TSHR: variants seen among roughly 807,000 people sequenced by gnomAD.
TSHR encodes thyrotropin receptor.
In TSHR, 51 loss-of-function variants were observed where a neutral mutation model predicts 64.1. The ratio of observed to expected loss-of-function variants is 0.80; its 90% CI spans 0.64 to 1.01. The LOEUF (loss-of-function observed/expected upper bound fraction) is 1.01. TSHR is among the 50% of genes least tolerant of loss of function. The pLI is 0.00. For missense variants in TSHR, 877 were observed against 942.8 expected (o/e 0.93, Z 0.91); for synonymous variants, 361 against 361.9 (o/e 1.00, Z 0.03).
chr14:81,063,699 G>A (rs577805030), intron 2 of TSHR, among the ~76,000 whole-genome samples: 1 of 152,272 alleles, frequency 6.6e-6, no homozygotes, highest in South Asian at 2.1e-4. Flanking sequence ...TTTGCTAGGT[G>A]TTCCGTACAC....
At chr14:81,024,239 T>A (rs907471489) in intron 1 of TSHR, among the ~76,000 whole-genome samples, 3 of 119,672 alleles carry the variant, frequency 2.5e-5, no homozygotes, top group Admixed American at 1.9e-4. Context: ...TTAGGCATGG[T>A]TTTTTTTTGT....
At chr14:81,047,725 G>A (rs1025334420) in intron 1 of TSHR, among the ~76,000 whole-genome samples, 3 of 146,052 alleles carry the variant, frequency 2.1e-5, no homozygotes, top group African/African-American at 5.1e-5. Context: ...GCAGTGGCAC[G>A]ATCTCAGCTC....
In TSHR at chr14:81,029,772, A is replaced by T. The variant is rs182231786; in HGVS notation, c.171-32376A>T. Among the ~76,000 whole-genome samples, 486 of 152,246 alleles carry T rather than the reference A, an allele frequency of 3.2e-3. 9 individuals are homozygous for T. Among genetic ancestry groups the T allele is most frequent in the Admixed American group, 0.03 (464 of 15,288 alleles). On this transcript the variant is annotated intron_variant, in intron 1 of 9. Transcript: ENST00000298171. ...GTGAAATAATAACTTGGCCTTTCTTAAAAAAATATACCCATGGATTCTGTA... is the reference window on the plus strand; with the variant it reads ...GTGAAATAATAACTTGGCCTTTCTTTAAAAAATATACCCATGGATTCTGTA...
intron 1 of TSHR, among the ~76,000 whole-genome samples, chr14:81,002,775 A>T: frequency 1.3e-5 from 1 of 77,842 alleles, no homozygotes; most frequent in Non-Finnish European, 2.4e-5. Context: ...AAGGTCCCTA[A>T]TGCCTCTTTT....
chr14:81,076,540 C>G (rs1357921825), intron 3 of TSHR, among the ~76,000 whole-genome samples: 1 of 152,130 alleles, frequency 6.6e-6, no homozygotes, highest in Non-Finnish European at 1.5e-5. Context: ...CTGAAATCTA[C>G]TACTCCTGTG....
intron 1 of TSHR, chr14:81,012,177 G>A (rs909482146): frequency 2.0e-5 from 3 of 151,142 alleles, no homozygotes; most frequent in African/African-American, 7.3e-5. Flanking sequence ...ACCTATGAGT[G>A]AGAATATGCG....
intron 1 of TSHR, among the ~76,000 whole-genome samples, chr14:80,978,106 C>A (rs949112086): frequency 5.3e-5 from 8 of 151,432 alleles, no homozygotes; most frequent in African/African-American, 1.9e-4. Flanking sequence ...CACACACACA[C>A]ACACACACAC....
At chr14:80,980,237 CT>C (rs146169398) in intron 1 of TSHR, among the ~76,000 whole-genome samples, 41,182 of 151,850 alleles carry the variant, frequency 0.27, 6,454 homozygotes, top group South Asian at 0.38. Flanking sequence ...TATTTCCACT[CT>C]TTTTTTTCTA....
At position 81,142,969 on chromosome 14, in the gene TSHR, G is replaced by A. The variant is rs745523456; in HGVS notation, c.911G>A (p.Ser304Asn). The A allele has an allele frequency of 2.5e-6, 4 of 1,614,126 alleles. No homozygotes were observed. Among genetic ancestry groups the A allele is most frequent in the Admixed American group, 1.7e-5 (1 of 60,020 alleles). The part of the protein sequence containing the change: ...GILESLMCNE[S>N]SMQSLRQRKS... ...CTTGAGTCCTTGATGTGTAATGAGA[G>A]CAGTATGCAGAGCTTGCGCCAGAGA... The change falls in exon 10 of 10, where the codon AGC (serine) becomes AAC (asparagine). Residue 304 changes from serine to asparagine, a missense_variant. Transcript: ENST00000298171.
chr14:80,957,469 A>C (rs1030755258), intron 1 of TSHR, among the ~76,000 whole-genome samples: 2 of 150,666 alleles, frequency 1.3e-5, no homozygotes, highest in Admixed American at 6.6e-5. Flanking sequence ...GAAAAAACAA[A>C]AAAAAAAAAA....
intron 1 of TSHR, among the ~76,000 whole-genome samples, chr14:80,984,979 G>A (rs1430003053): frequency 1.3e-5 from 2 of 152,102 alleles, no homozygotes; most frequent in African/African-American, 4.8e-5. Flanking sequence ...GGCCGGGCGC[G>A]GTGGCTCAAG....
intron 1 of TSHR, among the ~76,000 whole-genome samples, chr14:80,966,204 C>CT (rs907240732): frequency 2.0e-5 from 3 of 152,094 alleles, no homozygotes; most frequent in African/African-American, 7.2e-5. Context: ...TTATTTCAAT[C>CT]TTTTTTTAAG....
chr14:81,108,495 T>TG, intron 8 of TSHR, 43 bp downstream of exon 8: 1 of 1,059,274 alleles, frequency 9.4e-7, no homozygotes, highest in Non-Finnish European at 1.3e-6. Flanking sequence ...TTTTTTTTTC[T>TG]TTTTTTTTTT....
intron 1 of TSHR, chr14:81,032,766 G>A (rs1884415027): frequency 2.3e-6 from 1 of 428,772 alleles, no homozygotes; most frequent in South Asian, 2.0e-5. Flanking sequence ...TTCCAAATTG[G>A]TGGAAGTTGA....
At chr14:81,044,551 G>A (rs182470989) in intron 1 of TSHR, among the ~76,000 whole-genome samples, 1 of 151,934 alleles carries the variant, frequency 6.6e-6, no homozygotes. Flanking sequence ...CCAGCTACTT[G>A]GGAGGCTGAG....
At chr14:81,079,235 C>T (rs1271717729) in intron 3 of TSHR, among the ~76,000 whole-genome samples, 1 of 152,174 alleles carries the variant, frequency 6.6e-6, no homozygotes, top group African/African-American at 2.4e-5. Context: ...CTTCCATTTT[C>T]TATTGTACTT....
intron 8 of TSHR, chr14:81,109,033 T>G: frequency 8.5e-7 from 1 of 1,176,038 alleles, no homozygotes; most frequent in South Asian, 1.9e-5. Flanking sequence ...CTGAAGCCTC[T>G]GTATCATTGC....
intron 3 of TSHR, among the ~76,000 whole-genome samples, chr14:81,081,329 T>G (rs898478686): frequency 1.3e-5 from 2 of 152,150 alleles, no homozygotes; most frequent in Non-Finnish European, 2.9e-5. Flanking sequence ...TATTATCAAA[T>G]GATGAGAGTT....
chr14:81,125,265 G>C (rs1470697740), intron 8 of TSHR, among the ~76,000 whole-genome samples: 7 of 152,090 alleles, frequency 4.6e-5, no homozygotes, highest in Non-Finnish European at 7.4e-5. Context: ...AGAGTTATGA[G>C]AGAAAACAAA....
Sources: gnomAD v4.1 joint callset for allele counts (sites outside exome capture counted in the v4.1 genomes callset) on GRCh38, gnomAD v4.1.1 for gene constraint, MANE v1.5 for transcripts, NCBI Gene and HGNC (gene_info 2026-07-23, HGNC 2026-07-21) for gene names.